Variants in DMGDH observed in about 807,000 individuals in gnomAD.
DMGDH encodes the protein dimethylglycine dehydrogenase, mitochondrial.
A neutral mutation model predicts 95.2 loss-of-function variants in DMGDH; 76 were observed. The observed-to-expected ratio is 0.80, with a 90% confidence interval of 0.66 to 0.97. The LOEUF is 0.97. DMGDH is among the 50% of genes least tolerant of loss of function. The pLI, the probability that DMGDH is intolerant of heterozygous loss-of-function variation, is 0.00. For missense variants in DMGDH, 987 were observed against 1,055.0 expected (o/e 0.94, Z 0.89); for synonymous variants, 345 against 377.6 (o/e 0.91, Z 1.00).
intron 2 of DMGDH, among the ~76,000 whole-genome samples, chr5:79,059,467 T>C (rs1032008028): frequency 5.3e-5 from 8 of 152,252 alleles, no homozygotes; most frequent in Non-Finnish European, 7.3e-5. Flanking sequence ...TGACATTTCA[T>C]GTTCTTGTGT....
intron 15 of DMGDH, chr5:79,001,174 G>T: frequency 2.2e-6 from 1 of 463,118 alleles, no homozygotes. Context: ...TTGTTTGCTT[G>T]TTTTTTGAGA....
chr5:79,039,896 G>C (rs1326573384), intron 7 of DMGDH, among the ~76,000 whole-genome samples: 1 of 152,082 alleles, frequency 6.6e-6, no homozygotes, highest in Non-Finnish European at 1.5e-5. Context: ...CACAGTGATG[G>C]GCTAGGAAGG....
chr5:79,021,774 G>T, intron 14 of DMGDH: 1 of 1,216,118 alleles, frequency 8.2e-7, no homozygotes, highest in Non-Finnish European at 1.1e-6. Context: ...TATGTTACCA[G>T]AGAGAGAAAT....
intron 14 of DMGDH, among the ~76,000 whole-genome samples, chr5:79,016,772 G>T (rs1228622040): frequency 1.3e-5 from 2 of 152,194 alleles, no homozygotes; most frequent in African/African-American, 2.4e-5. Flanking sequence ...GAACAAAGTT[G>T]CAGGGCTATC....
intron 2 of DMGDH, among the ~76,000 whole-genome samples, chr5:79,062,053 C>G (rs2112674729): frequency 6.6e-6 from 1 of 152,230 alleles, no homozygotes; most frequent in African/African-American, 2.4e-5. Flanking sequence ...TAAGCCCTCC[C>G]TCGAAGGGTA....
At chr5:79,046,456 T>C (rs1754677903) in intron 5 of DMGDH, among the ~76,000 whole-genome samples, 1 of 151,968 alleles carries the variant, frequency 6.6e-6, no homozygotes. Flanking sequence ...GGCGCAATCA[T>C]AACTCACTGC....
rs188147490 is a variant in DMGDH at position 79,066,353 on chromosome 5, T to C, written c.102-2566A>G. Among the ~76,000 whole-genome samples the C allele has an allele frequency of 2.6e-5, 4 of 152,236 alleles. No homozygotes were observed. In the East Asian group the frequency reaches 7.7e-4, roughly 29 times the overall value. On this transcript the variant is annotated intron_variant, in intron 1 of 15. Coordinates refer to ENST00000255189, the MANE Select transcript of DMGDH (RefSeq NM_013391.3). The stretch of plus-strand genomic sequence containing the variant: ...CAGGCTGGAGTGCAGTGGCACGATC[T>C]CGGCTCACTGCAAGCTCCACCTCCC...
At chr5:79,057,609 A>G (rs1755068729) in intron 2 of DMGDH, among the ~76,000 whole-genome samples, 1 of 152,050 alleles carries the variant, frequency 6.6e-6, no homozygotes, top group Non-Finnish European at 1.5e-5. Flanking sequence ...ATTCCATTAC[A>G]ATGCACCTGT....
Position 78,998,154 on chromosome 5 carries a change from T to C in DMGDH, c.2529A>G (p.Ile843Met), listed in dbSNP as rs576388768. 6.2e-6 allele frequency: 10 copies of C among 1,614,250 alleles called. No homozygotes were observed. The East Asian group carries it at 2.0e-4, about 32-fold the overall frequency. ...GTTCGGTCAATACCAAAGGTTCTTG[T>C]ATGATGACTGCTGGGTAATTTTTGC... ...LLGKNYPAVI[I>M]QEPLVLTEPT... Residue 843 changes from isoleucine to methionine, a missense_variant, in exon 16 of 16, where the codon ATA becomes ATG. Transcript: ENST00000255189.
chr5:79,040,624 T>C (rs1386538210), intron 7 of DMGDH, among the ~76,000 whole-genome samples: 1 of 152,086 alleles, frequency 6.6e-6, no homozygotes, highest in Non-Finnish European at 1.5e-5. Context: ...TTCATCAAAA[T>C]TAAAAAGTTT....
At chr5:79,038,064 A>G (rs1376873978) in intron 7 of DMGDH, among the ~76,000 whole-genome samples, 5 of 152,232 alleles carry the variant, frequency 3.3e-5, no homozygotes, top group African/African-American at 1.2e-4. Flanking sequence ...GCATAAATTG[A>G]CAAACTAGTC....
At chr5:79,053,639 G>A (rs1754932536) in intron 4 of DMGDH, among the ~76,000 whole-genome samples, 1 of 152,100 alleles carries the variant, frequency 6.6e-6, no homozygotes, top group South Asian at 2.1e-4. Flanking sequence ...TATTCAAAAG[G>A]AATTATTACC....
chr5:79,008,714 C>T (rs1442798608), intron 14 of DMGDH, among the ~76,000 whole-genome samples: 1 of 151,808 alleles, frequency 6.6e-6, no homozygotes, highest in Non-Finnish European at 1.5e-5. Flanking sequence ...TATTAGCTAA[C>T]CATGAGGGAA....
At chr5:79,020,971 T>C (rs1336693168) in intron 14 of DMGDH, 2 of 985,436 alleles carry the variant, frequency 2.0e-6, no homozygotes, top group Non-Finnish European at 2.4e-6. Flanking sequence ...CCTTTTGCTC[T>C]TGATTAATGC....
intron 1 of DMGDH, among the ~76,000 whole-genome samples, chr5:79,065,042 G>A (rs1384377776): frequency 6.6e-6 from 1 of 151,866 alleles, no homozygotes; most frequent in Non-Finnish European, 1.5e-5. Context: ...GAGCCACTGT[G>A]CCTGGCCTCA....
intron 5 of DMGDH, among the ~76,000 whole-genome samples, chr5:79,048,808 G>A (rs1754753660): frequency 6.6e-6 from 1 of 151,432 alleles, no homozygotes; most frequent in African/African-American, 2.4e-5. Context: ...CACCTCCTGT[G>A]GACTACTAAT....
chr5:79,018,743 G>C (rs997315716), intron 14 of DMGDH, among the ~76,000 whole-genome samples: 1 of 152,040 alleles, frequency 6.6e-6, no homozygotes, highest in South Asian at 2.1e-4. Context: ...TCCTAGACCT[G>C]GGTTTCCATG....
At chr5:79,019,677 G>A (rs1753815338) in intron 14 of DMGDH, among the ~76,000 whole-genome samples, 1 of 152,114 alleles carries the variant, frequency 6.6e-6, no homozygotes. Context: ...CTGAGGTCAG[G>A]AGTTCAAGAC....
intron 7 of DMGDH, among the ~76,000 whole-genome samples, chr5:79,041,267 T>C (rs985961799): frequency 1.3e-5 from 2 of 152,248 alleles, no homozygotes; most frequent in Non-Finnish European, 2.9e-5. Context: ...CACTGCTTTG[T>C]TGTCAGCTGT....
Sources: gnomAD v4.1 joint callset for allele counts (sites outside exome capture counted in the v4.1 genomes callset) on GRCh38, gnomAD v4.1.1 for gene constraint, MANE v1.5 for transcripts, NCBI Gene and HGNC (gene_info 2026-07-23, HGNC 2026-07-21) for gene names.